Variants in STXBP4 observed in about 807,000 individuals in gnomAD.
STXBP4 encodes syntaxin binding protein 4.
Under a neutral mutation model 76.1 loss-of-function variants are expected in STXBP4, and 55 were observed. The ratio of observed to expected loss-of-function variants is 0.72; its 90% CI spans 0.58 to 0.91. The LOEUF (loss-of-function observed/expected upper bound fraction) is 0.91, where lower values mean the gene tolerates loss of function less well. Ranked by LOEUF, STXBP4 falls within the 40% of genes least tolerant of loss-of-function variation. STXBP4 has a pLI of 0.00. For synonymous variants in STXBP4, 201 were observed against 220.2 expected, an observed-to-expected ratio of 0.91 and a Z score of 0.77; for missense variants, 618 against 636.9, an observed-to-expected ratio of 0.97 and a Z score of 0.32.
At chr17:55,019,947 C>T (rs766550316) in intron 8 of STXBP4, among the ~76,000 whole-genome samples, 8 of 152,158 alleles carry the variant, frequency 5.3e-5, no homozygotes, top group Middle Eastern at 3.4e-3. Context: ...AAAATATTAC[C>T]TGTTATTGGT....
intron 16 of STXBP4, among the ~76,000 whole-genome samples, chr17:55,081,962 C>G (rs1004243425): frequency 1.3e-5 from 2 of 152,168 alleles, no homozygotes; most frequent in Non-Finnish European, 2.9e-5. Context: ...ACTTTTGTCT[C>G]TTTATGAATT....
At chr17:55,134,397 G>A (rs1195191365) in intron 16 of STXBP4, among the ~76,000 whole-genome samples, 1 of 150,622 alleles carries the variant, frequency 6.6e-6, no homozygotes, top group Non-Finnish European at 1.5e-5. Context: ...GTTTAGCTTA[G>A]CACTTGATGT....
the STXBP4 span, among the ~76,000 whole-genome samples, chr17:55,204,711 A>G: frequency 6.6e-6 from 1 of 152,044 alleles, no homozygotes; most frequent in African/African-American, 2.4e-5. Flanking sequence ...TCAGGCACCA[A>G]ATGACACCAG....
At chr17:55,101,070 C>T (rs923522867) in intron 16 of STXBP4, among the ~76,000 whole-genome samples, 17 of 152,084 alleles carry the variant, frequency 1.1e-4, no homozygotes, top group African/African-American at 4.1e-4. Context: ...CCTACAGAAA[C>T]CATGAGATAA....
At chr17:55,151,686 G>T (rs901901815) in intron 17 of STXBP4, among the ~76,000 whole-genome samples, 1 of 152,164 alleles carries the variant, frequency 6.6e-6, no homozygotes, top group African/African-American at 2.4e-5. Flanking sequence ...GAAGGGAAGC[G>T]TGAGCTGTTA....
chr17:55,134,302 T>C (rs1374041113), intron 16 of STXBP4, among the ~76,000 whole-genome samples: 2 of 152,144 alleles, frequency 1.3e-5, no homozygotes, highest in African/African-American at 4.8e-5. Flanking sequence ...AAGGCTTTTT[T>C]TTTAATGAAG....
chr17:55,001,485 A>G (rs890741045), intron 7 of STXBP4, among the ~76,000 whole-genome samples: 20 of 152,198 alleles, frequency 1.3e-4, no homozygotes, highest in African/African-American at 4.6e-4. Flanking sequence ...ATACGAAGAA[A>G]AAAAGCCCCC....
At chr17:55,002,327 G>A (rs908445341) in intron 7 of STXBP4, among the ~76,000 whole-genome samples, 5 of 152,032 alleles carry the variant, frequency 3.3e-5, no homozygotes, top group African/African-American at 1.2e-4. Flanking sequence ...TATTCAGTAA[G>A]GTTTTACTAT....
At chr17:55,079,424 A>G (rs1045624860) in intron 15 of STXBP4, among the ~76,000 whole-genome samples, 14 of 152,102 alleles carry the variant, frequency 9.2e-5, no homozygotes, top group Non-Finnish European at 2.1e-4. Context: ...AGTCCTAGAT[A>G]CATCTTCTAC....
chr17:55,110,663 A>G (rs1186910839), intron 16 of STXBP4, among the ~76,000 whole-genome samples: 1 of 152,196 alleles, frequency 6.6e-6, no homozygotes, highest in African/African-American at 2.4e-5. Flanking sequence ...TGTTGTAACT[A>G]TTCAACTCTG....
At chr17:55,053,288 G>A (rs1018349606) in intron 12 of STXBP4, among the ~76,000 whole-genome samples, 1 of 151,922 alleles carries the variant, frequency 6.6e-6, no homozygotes, top group Non-Finnish European at 1.5e-5. Context: ...GGAGTTTTTA[G>A]GGATAAAGGA....
intron 15 of STXBP4, among the ~76,000 whole-genome samples, chr17:55,079,851 A>G (rs181141503): frequency 1.2e-3 from 184 of 152,272 alleles, no homozygotes; most frequent in African/African-American, 3.9e-3. Context: ...TGGTGTCCAC[A>G]TAGCATTTTT....
intron 8 of STXBP4, among the ~76,000 whole-genome samples, chr17:55,030,245 TTTACTGCGGTACCACATGAACCAAAA>T (rs2078482321): frequency 6.6e-6 from 1 of 152,206 alleles, no homozygotes; most frequent in African/African-American, 2.4e-5. Flanking sequence ...TTCCACCATC[TTTACTGCGGTACCACATGAACCAAAA>T]GAACTGCTCA....
intron 5 of STXBP4, 27 bp from the exon 6 acceptor site, chr17:54,999,605 C>T: frequency 1.3e-6 from 2 of 1,586,290 alleles, no homozygotes; most frequent in Non-Finnish European, 1.7e-6. Flanking sequence ...ATAGCATATC[C>T]ATAAAGTGAT....
chr17:55,194,119 A>G, the STXBP4 span, among the ~76,000 whole-genome samples: 3 of 152,064 alleles, frequency 2.0e-5, no homozygotes, highest in Non-Finnish European at 2.9e-5. Context: ...TAACAACCCC[A>G]TGAGGCAGAA....
intron 16 of STXBP4, among the ~76,000 whole-genome samples, chr17:55,119,305 AG>A (rs2079817452): frequency 6.6e-6 from 1 of 152,130 alleles, no homozygotes; most frequent in Non-Finnish European, 1.5e-5. Flanking sequence ...GCAAAGAAAA[AG>A]TTGTTTCTAC....
chr17:55,157,978 T>G (rs1286773017), intron 17 of STXBP4, among the ~76,000 whole-genome samples: 1 of 152,200 alleles, frequency 6.6e-6, no homozygotes, highest in Non-Finnish European at 1.5e-5. Context: ...CATATTAAAA[T>G]CTCTGGGAAA....
intron 3 of STXBP4, among the ~76,000 whole-genome samples, chr17:54,986,801 TAA>T (rs2077633242): frequency 6.6e-6 from 1 of 152,202 alleles, no homozygotes. Flanking sequence ...TAAAATCCCT[TAA>T]AACAATAAGC....
intron 13 of STXBP4, among the ~76,000 whole-genome samples, chr17:55,076,784 C>G (rs1449563973): frequency 6.6e-6 from 1 of 152,058 alleles, no homozygotes; most frequent in African/African-American, 2.4e-5. Context: ...TGGATGTGTG[C>G]TATAGCTTCT....
Sources: gnomAD v4.1 joint callset for allele counts (sites outside exome capture counted in the v4.1 genomes callset) on GRCh38, gnomAD v4.1.1 for gene constraint, MANE v1.5 for transcripts, NCBI Gene and HGNC (gene_info 2026-07-23, HGNC 2026-07-21) for gene names.